The following MAGI2 variants were observed in gnomAD, a reference collection of about 807,000 sequenced individuals.
MAGI2 encodes membrane-associated guanylate kinase, WW and PDZ domain-containing protein 2.
A neutral mutation model predicts 133.3 loss-of-function variants in MAGI2; 35 were observed. The ratio of observed to expected loss-of-function variants is 0.26; its 90% CI spans 0.20 to 0.35. MAGI2 has a LOEUF of 0.35. MAGI2 is among the 10% of genes least tolerant of loss of function. The pLI, the probability that MAGI2 is intolerant of heterozygous loss-of-function variation, is 1.00. For synonymous variants in MAGI2, 729 were observed against 710.6 expected (o/e 1.03, Z -0.41); for missense variants, 1,636 against 1,863.4 (o/e 0.88, Z 2.25).
At chr7:79,031,363 A>G (rs765142271) in intron 1 of MAGI2, among the ~76,000 whole-genome samples, 2 of 152,204 alleles carry the variant, frequency 1.3e-5, no homozygotes, top group African/African-American at 2.4e-5. Context: ...TAGTTATTCC[A>G]TAGGTATTGC....
At chr7:78,242,142 C>A (rs1266477163) in intron 10 of MAGI2, among the ~76,000 whole-genome samples, 3 of 152,322 alleles carry the variant, frequency 2.0e-5, no homozygotes, top group Middle Eastern at 3.4e-3. Context: ...CCAGTGGGAA[C>A]TAGAACTGAG....
intron 2 of MAGI2, 151 bp downstream of exon 2, chr7:79,006,939 G>T: frequency 3.7e-6 from 2 of 546,722 alleles, no homozygotes; most frequent in Non-Finnish European, 6.4e-6. Flanking sequence ...ATAAGCATTT[G>T]CACTTAAAAT....
rs772397399 is a variant in MAGI2 at position 78,613,133 on chromosome 7, G to A, written c.538+13987C>T. Among the ~76,000 whole-genome samples, 65 of 152,210 alleles carry A rather than the reference G, an allele frequency of 4.3e-4. No homozygotes were observed. In the Middle Eastern group the frequency reaches 0.014, roughly 32 times the overall value. ...AAGAGAAGACGCCAGTATACCACTA[G>A]ATTTACTGAAAAACATGTAAAGTGT... On this transcript the variant is annotated intron_variant, in intron 3 of 21. Transcript: ENST00000354212.
At chr7:78,249,864 A>G (rs1369112970) in intron 10 of MAGI2, among the ~76,000 whole-genome samples, 1 of 152,118 alleles carries the variant, frequency 6.6e-6, no homozygotes, top group Non-Finnish European at 1.5e-5. Flanking sequence ...TGTTTTCACC[A>G]CAAAGAAATG....
intron 9 of MAGI2, among the ~76,000 whole-genome samples, chr7:78,263,066 G>A (rs1487765266): frequency 6.6e-6 from 1 of 152,150 alleles, no homozygotes; most frequent in Non-Finnish European, 1.5e-5. Context: ...ACTTATAAGT[G>A]AGAACATGTA....
intron 3 of MAGI2, among the ~76,000 whole-genome samples, chr7:78,565,824 T>G (rs1800887377): frequency 6.6e-6 from 1 of 152,188 alleles, no homozygotes; most frequent in East Asian, 1.9e-4. Flanking sequence ...ACACATTTAT[T>G]TCTTCATGCA....
At chr7:79,426,959 G>GA (rs918457061) in intron 1 of MAGI2, among the ~76,000 whole-genome samples, 30 of 151,702 alleles carry the variant, frequency 2.0e-4, no homozygotes, top group Admixed American at 1.4e-3. Context: ...CCTAAAAAAG[G>GA]AAAAAAAATC....
intron 14 of MAGI2, among the ~76,000 whole-genome samples, chr7:78,177,312 T>C (rs1826736625): frequency 6.6e-6 from 1 of 152,134 alleles, no homozygotes; most frequent in South Asian, 2.1e-4. Flanking sequence ...TCTTTTACAA[T>C]GAGTGTTTTA....
rs752421858 is a variant in MAGI2, at chr7:78,256,030, C to T, written c.1960G>A (p.Val654Ile). The change falls in exon 10 of 22, where the codon GTA becomes ATA. Residue 654 changes from valine (V) to isoleucine (I), a missense_variant. Around this residue, in one of 5 missense-constraint regions of MAGI2, gnomAD observed 920 missense variants for 1,093.5 expected, o/e 0.84. Transcript: ENST00000354212. ...ACTTCTGTATGGCTCAGGTTCTGTA[C>T]ATTCTGCTGGTTGATCTCAACAATG... ...DLIVEINQQN[V>I]QNLSHTEVVD... The T allele has an allele frequency of 1.9e-6, 3 of 1,613,662 alleles. No homozygotes were observed. The highest frequency in any genetic ancestry group is 2.5e-6 in the Non-Finnish European group (3 of 1,179,858).
At position 78,680,264 on chromosome 7, in the gene MAGI2, T is replaced by C. The variant is rs186953817; in HGVS notation, c.419-53025A>G. Among the ~76,000 whole-genome samples, 9 of 152,280 alleles carry C rather than the reference T, an allele frequency of 5.9e-5. No individual in the cohort carries two copies. In the East Asian group the frequency reaches 1.7e-3, roughly 29 times the overall value. On this transcript the variant is annotated intron_variant, in intron 2 of 21. Transcript: ENST00000354212. ...ATGTTTATGTGCATAAGCTTCTATG[T>C]ATCTATAATCTTCTGTGATATTATT...
intron 4 of MAGI2, among the ~76,000 whole-genome samples, chr7:78,509,197 A>G (rs1038023650): frequency 1.1e-4 from 17 of 152,132 alleles, no homozygotes; most frequent in South Asian, 2.1e-4. Flanking sequence ...CCTCTTCTTA[A>G]AGGATGCTAA....
intron 1 of MAGI2, among the ~76,000 whole-genome samples, chr7:79,381,051 A>G (rs892817715): frequency 6.6e-6 from 1 of 151,750 alleles, no homozygotes; most frequent in African/African-American, 2.4e-5. Flanking sequence ...ACCCTTCACA[A>G]ACTTCTTTCC....
At chr7:78,704,432 TTG>T (rs1818395816) in intron 2 of MAGI2, among the ~76,000 whole-genome samples, 1 of 152,036 alleles carries the variant, frequency 6.6e-6, no homozygotes, top group Admixed American at 6.6e-5. Context: ...GCTAGTGAAG[TTG>T]TGGAGAAAAG....
intron 3 of MAGI2, among the ~76,000 whole-genome samples, chr7:78,532,818 C>G (rs1239799340): frequency 1.3e-5 from 2 of 152,212 alleles, no homozygotes; most frequent in African/African-American, 2.4e-5. Flanking sequence ...ATGATGCTAG[C>G]ATGTCTTACT....
chr7:78,995,263 C>T (rs1806176844), intron 2 of MAGI2, among the ~76,000 whole-genome samples: 1 of 152,002 alleles, frequency 6.6e-6, no homozygotes, highest in Non-Finnish European at 1.5e-5. Context: ...TTGCAAATGG[C>T]CTATGGGCTG....
At chr7:79,167,701 CT>C (rs963362162) in intron 1 of MAGI2, among the ~76,000 whole-genome samples, 26 of 149,812 alleles carry the variant, frequency 1.7e-4, no homozygotes, top group Admixed American at 1.1e-3. Flanking sequence ...CCCAGTGACA[CT>C]TTTTTTTTAG....
chr7:79,202,648 C>T (rs1029745923), intron 1 of MAGI2, among the ~76,000 whole-genome samples: 9 of 151,838 alleles, frequency 5.9e-5, no homozygotes, highest in South Asian at 2.1e-4. Context: ...AACAAGGAAA[C>T]GTTTATTTGG....
intron 11 of MAGI2, among the ~76,000 whole-genome samples, chr7:78,196,871 A>G (rs1436855126): frequency 6.6e-6 from 1 of 152,244 alleles, no homozygotes; most frequent in East Asian, 1.9e-4. Context: ...GTCTAGTTCA[A>G]TTTCCTCCTG....
At chr7:79,427,631 T>G (rs1379295587) in intron 1 of MAGI2, among the ~76,000 whole-genome samples, 1 of 152,152 alleles carries the variant, frequency 6.6e-6, no homozygotes, top group East Asian at 1.9e-4. Flanking sequence ...TTGTCCAGCA[T>G]AGCTAAGATC....
Sources: gnomAD v4.1 joint callset for allele counts (sites outside exome capture counted in the v4.1 genomes callset) on GRCh38, gnomAD v4.1.1 for gene constraint, gnomAD v4.1.1 regional missense constraint, MANE v1.5 for transcripts, NCBI Gene and HGNC (gene_info 2026-07-23, HGNC 2026-07-21) for gene names.